Variants in SUGCT observed in about 807,000 individuals in gnomAD.
The protein encoded by SUGCT is succinyl-CoA:glutarate CoA-transferase.
SUGCT carries 41 observed loss-of-function variants against 55.0 expected under a neutral mutation model. That is an observed-to-expected ratio of 0.74 (90% CI 0.58 to 0.97). The LOEUF (loss-of-function observed/expected upper bound fraction) is 0.97. Ranked by LOEUF, SUGCT falls within the 50% of genes least tolerant of loss-of-function variation. The pLI is 0.00. For missense variants in SUGCT, 568 were observed against 547.8 expected (o/e 1.04, Z -0.37); for synonymous variants, 187 against 200.4 (o/e 0.93, Z 0.56).
At chr7:40,487,854 A>C (rs1357257902) in intron 11 of SUGCT, among the ~76,000 whole-genome samples, 1 of 152,022 alleles carries the variant, frequency 6.6e-6, no homozygotes, top group Non-Finnish European at 1.5e-5. Flanking sequence ...AGTTGTGTGC[A>C]ATATATTTTT....
chr7:40,554,560 A>G (rs989350790), intron 12 of SUGCT, among the ~76,000 whole-genome samples: 1 of 152,228 alleles, frequency 6.6e-6, no homozygotes, highest in Non-Finnish European at 1.5e-5. Flanking sequence ...TTTAATGACC[A>G]ATGTCTTGAG....
chr7:40,662,590 A>G (rs1801387314), intron 12 of SUGCT, among the ~76,000 whole-genome samples: 2 of 152,160 alleles, frequency 1.3e-5, no homozygotes, highest in African/African-American at 2.4e-5. Flanking sequence ...AACATTGCAC[A>G]TAACTATTTT....
the SUGCT span, among the ~76,000 whole-genome samples, chr7:40,976,607 C>T: frequency 6.6e-5 from 10 of 152,178 alleles, no homozygotes; most frequent in Admixed American, 6.5e-4. Flanking sequence ...TACAACCCCT[C>T]CTTCAATTTT....
At chr7:40,997,170 A>G in the SUGCT span, among the ~76,000 whole-genome samples, 2 of 152,172 alleles carry the variant, frequency 1.3e-5, no homozygotes, top group Admixed American at 6.5e-5. Flanking sequence ...TGAAGAAAAC[A>G]TTCTCTGAGC....
intron 10 of SUGCT, among the ~76,000 whole-genome samples, chr7:40,455,743 G>C (rs1789451356): frequency 6.6e-6 from 1 of 152,180 alleles, no homozygotes; most frequent in Non-Finnish European, 1.5e-5. Context: ...GATTCCAGTA[G>C]TTCTTATGCT....
the SUGCT span, among the ~76,000 whole-genome samples, chr7:40,999,651 C>T: frequency 6.6e-6 from 1 of 152,290 alleles, no homozygotes; most frequent in Admixed American, 6.5e-5. Context: ...ACAGCCCACT[C>T]CCCAATCAAT....
At chr7:40,951,309 T>C in the SUGCT span, among the ~76,000 whole-genome samples, 2 of 150,978 alleles carry the variant, frequency 1.3e-5, no homozygotes, top group African/African-American at 4.8e-5. Context: ...GGTGATATCC[T>C]ATCATTTTTT....
At chr7:40,610,333 C>A (rs1448058132) in intron 12 of SUGCT, among the ~76,000 whole-genome samples, 1 of 152,156 alleles carries the variant, frequency 6.6e-6, no homozygotes, top group African/African-American at 2.4e-5. Flanking sequence ...TCTTGCAAAC[C>A]TTTTCTCTTC....
In SUGCT at chr7:40,833,092, T is replaced by C. The variant is rs185405398; in HGVS notation, c.1154-27224T>C. On this transcript the variant is annotated intron_variant, in intron 13 of 13. Coordinates refer to ENST00000335693, the MANE Select transcript of SUGCT (RefSeq NM_001193313.2). ...ACCTCTAGATTTTTTTTTTCAGCAG[T>C]CCATTTTTTCTTGGTTGTCCCACTG... is the stretch of plus-strand genomic sequence containing the variant. 1.8e-3 allele frequency among the ~76,000 whole-genome samples: 275 copies of C among 152,072 alleles called. 2 individuals are homozygous for C. The highest frequency in any genetic ancestry group is 3.3e-3 in the Admixed American group (50 of 15,266).
chr7:40,959,216 T>C, the SUGCT span, among the ~76,000 whole-genome samples: 2 of 152,238 alleles, frequency 1.3e-5, no homozygotes, highest in Non-Finnish European at 2.9e-5. Context: ...TCCGCTGCTA[T>C]CTTCAGAGCC....
At chr7:40,469,668 A>G (rs1790303711) in intron 11 of SUGCT, among the ~76,000 whole-genome samples, 1 of 152,100 alleles carries the variant, frequency 6.6e-6, no homozygotes, top group Non-Finnish European at 1.5e-5. Context: ...CTGAGAATCA[A>G]ATGATGTCTA....
chr7:40,490,453 T>C (rs1320239333), intron 11 of SUGCT, among the ~76,000 whole-genome samples: 1 of 152,192 alleles, frequency 6.6e-6, no homozygotes, highest in African/African-American at 2.4e-5. Flanking sequence ...AAATTGTGAA[T>C]GTAGGGCAAT....
chr7:40,352,682 A>T (rs1397481436), intron 9 of SUGCT, among the ~76,000 whole-genome samples: 1 of 152,104 alleles, frequency 6.6e-6, no homozygotes, highest in Non-Finnish European at 1.5e-5. Context: ...TCTACCATTG[A>T]TGGGCATTTA....
At chr7:40,983,258 C>T in the SUGCT span, among the ~76,000 whole-genome samples, 1 of 152,128 alleles carries the variant, frequency 6.6e-6, no homozygotes, top group Non-Finnish European at 1.5e-5. Flanking sequence ...GGCCTTCTCA[C>T]CCCATGCTTG....
At chr7:40,308,499 C>T (rs536217285) in intron 8 of SUGCT, among the ~76,000 whole-genome samples, 11 of 152,226 alleles carry the variant, frequency 7.2e-5, no homozygotes, top group East Asian at 5.8e-4. Flanking sequence ...TAGAAATCAA[C>T]ACCTTCCTAT....
chr7:40,175,290 G>T (rs1784870432), intron 1 of SUGCT, among the ~76,000 whole-genome samples: 6 of 151,780 alleles, frequency 4.0e-5, no homozygotes. Flanking sequence ...TGCAATCTCG[G>T]CTCACTGCAG....
At chr7:40,443,461 C>G (rs1372936200) in intron 9 of SUGCT, among the ~76,000 whole-genome samples, 1 of 152,224 alleles carries the variant, frequency 6.6e-6, no homozygotes, top group African/African-American at 2.4e-5. Context: ...ATTTGCATTT[C>G]TCTGATGGCC....
intron 12 of SUGCT, among the ~76,000 whole-genome samples, chr7:40,606,942 TTATG>T (rs1485443585): frequency 6.6e-6 from 1 of 152,208 alleles, no homozygotes; most frequent in Non-Finnish European, 1.5e-5. Flanking sequence ...ATCATCCTTT[TTATG>T]TATTCATATG....
At chr7:41,014,125 C>T in the SUGCT span, among the ~76,000 whole-genome samples, 4 of 152,116 alleles carry the variant, frequency 2.6e-5, no homozygotes, top group African/African-American at 9.7e-5. Flanking sequence ...TTTGATATTG[C>T]GCTATAGTTA....
Sources: allele counts gnomAD v4.1 joint callset (sites outside exome capture counted in the v4.1 genomes callset), GRCh38; gene constraint gnomAD v4.1.1; transcripts MANE v1.5; gene names NCBI Gene and HGNC (gene_info 2026-07-23, HGNC 2026-07-21).